SORCS1: variants seen among roughly 807,000 people sequenced by gnomAD.
SORCS1 encodes the protein VPS10 domain-containing receptor SorCS1.
Under a neutral mutation model 146.1 loss-of-function variants are expected in SORCS1, and 60 were observed. That is an observed-to-expected ratio of 0.41 (90% CI 0.33 to 0.51). SORCS1 has a LOEUF of 0.51. Ranked by LOEUF, SORCS1 falls within the 20% of genes least tolerant of loss-of-function variation. The probability of loss-of-function intolerance (pLI) is 0.21; values close to 1 mark genes in which losing one functional copy is unlikely to be tolerated. For synonymous variants in SORCS1, 637 were observed against 584.0 expected (o/e 1.09, Z -1.31); for missense variants, 1,352 against 1,487.6 (o/e 0.91, Z 1.50).
rs1329386958 is a variant in SORCS1, at chr10:106,575,441, A to G, written c.*1979T>C. On this transcript the variant is annotated 3_prime_UTR_variant, in exon 26 of 26. Transcript: ENST00000263054. Reference sequence around the variant, plus strand: ...CTGTTGGCTTAGGGACATAGCAAAGAAGGAGGCTGAGCATACTAAGAGGTT... The same window carrying G: ...CTGTTGGCTTAGGGACATAGCAAAGGAGGAGGCTGAGCATACTAAGAGGTT... The G allele has an allele frequency of 2.6e-5, 4 of 152,216 alleles. No homozygotes were observed. The East Asian group carries it at 7.7e-4, about 29-fold the overall frequency. The allele number at this position is 152,216 out of a possible 1,614,324, so 9.4% of individuals were successfully genotyped here.
intron 24 of SORCS1, among the ~76,000 whole-genome samples, chr10:106,583,175 G>A (rs1845023714): frequency 6.6e-6 from 1 of 152,136 alleles, no homozygotes; most frequent in Non-Finnish European, 1.5e-5. Context: ...CAGACTACAT[G>A]CCCAATATTT....
chr10:106,765,334 C>T (rs1367631968), intron 4 of SORCS1, among the ~76,000 whole-genome samples: 1 of 152,020 alleles, frequency 6.6e-6, no homozygotes. Context: ...GGGCTATTAG[C>T]ACTTCTCTCT....
At chr10:106,923,898 A>G (rs1195358556) in intron 2 of SORCS1, among the ~76,000 whole-genome samples, 1 of 152,210 alleles carries the variant, frequency 6.6e-6, no homozygotes, top group African/African-American at 2.4e-5. Flanking sequence ...TCTATCAGAT[A>G]GGTCTTTTGC....
chr10:106,989,684 T>TG (rs1956677252), intron 1 of SORCS1, among the ~76,000 whole-genome samples: 5 of 129,752 alleles, frequency 3.9e-5, no homozygotes, highest in African/African-American at 1.5e-4. Context: ...TTTTTTGTTT[T>TG]TTTTTTTTTT....
intron 1 of SORCS1, among the ~76,000 whole-genome samples, chr10:107,144,745 T>C (rs979145416): frequency 6.6e-6 from 1 of 152,134 alleles, no homozygotes; most frequent in African/African-American, 2.4e-5. Context: ...GACATTCCTC[T>C]CCCCCTTCGG....
At chr10:106,767,637 C>T (rs1171002672) in intron 4 of SORCS1, among the ~76,000 whole-genome samples, 1 of 152,014 alleles carries the variant, frequency 6.6e-6, no homozygotes, top group Non-Finnish European at 1.5e-5. Flanking sequence ...CACAGGCATG[C>T]ACCACCACGC....
At chr10:106,819,373 G>T (rs1380637333) in intron 3 of SORCS1, among the ~76,000 whole-genome samples, 1 of 152,130 alleles carries the variant, frequency 6.6e-6, no homozygotes, top group Non-Finnish European at 1.5e-5. Context: ...TGGCTCCAGG[G>T]TCCATTATAT....
intron 10 of SORCS1, among the ~76,000 whole-genome samples, chr10:106,681,277 T>G (rs1167135176): frequency 1.3e-5 from 2 of 152,200 alleles, no homozygotes; most frequent in Non-Finnish European, 2.9e-5. Context: ...CATGAAAGTC[T>G]TCCCGATAAC....
chr10:106,941,855 G>A (rs956370779), intron 2 of SORCS1, among the ~76,000 whole-genome samples: 2 of 152,196 alleles, frequency 1.3e-5, no homozygotes, highest in African/African-American at 4.8e-5. Context: ...CACAGGGACT[G>A]CCGGTTGTGG....
intron 8 of SORCS1, among the ~76,000 whole-genome samples, chr10:106,704,536 A>G (rs372399678): frequency 1.3e-5 from 2 of 152,098 alleles, no homozygotes; most frequent in South Asian, 4.1e-4. Context: ...CTAAAAATAC[A>G]AAAATTAGCC....
At chr10:107,168,918 C>T (rs1970105368), upstream of SORCS1, among the ~76,000 whole-genome samples, 1 of 152,190 alleles carries the variant, frequency 6.6e-6, no homozygotes, top group South Asian at 2.1e-4. Flanking sequence ...TGGCTTGAAA[C>T]ATTTTTAGTA....
intron 1 of SORCS1, among the ~76,000 whole-genome samples, chr10:107,002,784 A>C (rs1957272355): frequency 6.6e-6 from 1 of 152,148 alleles, no homozygotes; most frequent in African/African-American, 2.4e-5. Flanking sequence ...TAAAACCTAG[A>C]GGAAATAACA....
rs17120939 is a variant in SORCS1, at chr10:106,574,240, G to A, written c.*3180C>T. 2 of 152,562 alleles carry A rather than the reference G, an allele frequency of 1.3e-5. No individual in the cohort carries two copies. Among genetic ancestry groups the A allele is most frequent in the Admixed American group, 6.5e-5 (1 of 15,268 alleles). The allele number at this position is 152,562 out of a possible 1,614,324, so 9.5% of individuals were successfully genotyped here. A position where few individuals can be genotyped will look rare whatever the true frequency, so the allele number is the denominator to read the frequency against. On this transcript the variant is annotated 3_prime_UTR_variant, in exon 26 of 26. Transcript: ENST00000263054. ...GGACAGTGAATCCAATTAAAAATAA[G>A]GCAAGGTAGAAAGTGTTGCTTGGGT...
At chr10:106,933,115 C>T (rs1953502942) in intron 2 of SORCS1, among the ~76,000 whole-genome samples, 2 of 152,120 alleles carry the variant, frequency 1.3e-5, no homozygotes, top group Admixed American at 1.3e-4. Context: ...ATATTTTAGC[C>T]ATGACAAATG....
At chr10:106,813,128 CTTTTTTTTTTT>C (rs71025557) in intron 3 of SORCS1, among the ~76,000 whole-genome samples, 3 of 98,746 alleles carry the variant, frequency 3.0e-5, no homozygotes, top group Non-Finnish European at 4.1e-5. Context: ...CTTCTCTTTT[CTTTTTTTTTTT>C]TTTTTTTTTT....
At chr10:106,668,175 C>T (rs931999736) in intron 16 of SORCS1, among the ~76,000 whole-genome samples, 1 of 152,100 alleles carries the variant, frequency 6.6e-6, no homozygotes, top group Non-Finnish European at 1.5e-5. Context: ...AGAAATTCAT[C>T]GCAGAGTTTA....
chr10:106,732,582 C>A (rs1383178706), intron 5 of SORCS1, among the ~76,000 whole-genome samples: 1 of 152,184 alleles, frequency 6.6e-6, no homozygotes, highest in Non-Finnish European at 1.5e-5. Context: ...ATGACTACCA[C>A]CACTTATTCC....
chr10:107,009,744 G>A (rs576516689), intron 1 of SORCS1, among the ~76,000 whole-genome samples: 2 of 152,126 alleles, frequency 1.3e-5, no homozygotes, highest in Non-Finnish European at 2.9e-5. Flanking sequence ...ATTTTCTGAC[G>A]AAAATGTTAG....
At chr10:107,138,884 C>T (rs189974471) in intron 1 of SORCS1, among the ~76,000 whole-genome samples, 4 of 152,272 alleles carry the variant, frequency 2.6e-5, no homozygotes, top group East Asian at 1.9e-4. Flanking sequence ...AACAAATGTT[C>T]GTTGCTTCAA....
Sources: gnomAD v4.1 joint callset for allele counts (sites outside exome capture counted in the v4.1 genomes callset) on GRCh38, gnomAD v4.1.1 for gene constraint, MANE v1.5 for transcripts, NCBI Gene and HGNC (gene_info 2026-07-23, HGNC 2026-07-21) for gene names.